Variants in DTNB observed in about 807,000 individuals in gnomAD.
The protein encoded by DTNB is DTN-B.
Under a neutral mutation model 90.7 loss-of-function variants are expected in DTNB, and 63 were observed. The observed-to-expected ratio is 0.69, with a 90% CI of 0.57 to 0.86. The LOEUF (loss-of-function observed/expected upper bound fraction) is 0.86. Ranked by LOEUF, DTNB falls within the 40% of genes least tolerant of loss-of-function variation. DTNB has a pLI of 0.00. For synonymous variants in DTNB, 277 were observed against 286.7 expected, an observed-to-expected ratio of 0.97 and a Z score of 0.34; for missense variants, 744 against 807.1, an observed-to-expected ratio of 0.92 and a Z score of 0.95.
At chr2:25,491,485 A>G (rs2150467717) in intron 9 of DTNB, among the ~76,000 whole-genome samples, 1 of 152,326 alleles carries the variant, frequency 6.6e-6, no homozygotes, top group Admixed American at 6.5e-5. Flanking sequence ...ATGAGTCAGC[A>G]CCATGTTGCG....
intron 8 of DTNB, among the ~76,000 whole-genome samples, chr2:25,538,454 C>A (rs2080352327): frequency 6.6e-6 from 1 of 151,970 alleles, no homozygotes; most frequent in South Asian, 2.1e-4. Context: ...TGTGTTTGTA[C>A]AGTTTTCTTT....
intron 6 of DTNB, among the ~76,000 whole-genome samples, chr2:25,589,909 G>A (rs887478306): frequency 2.0e-5 from 3 of 152,170 alleles, no homozygotes; most frequent in African/African-American, 7.2e-5. Flanking sequence ...TACCAAGGGC[G>A]AGCCATGTGC....
At chr2:25,539,251 G>C (rs987531486) in intron 8 of DTNB, among the ~76,000 whole-genome samples, 2 of 152,162 alleles carry the variant, frequency 1.3e-5, no homozygotes, top group African/African-American at 2.4e-5. Context: ...TAAGAATTTT[G>C]TAAGAGTGGA....
intron 8 of DTNB, among the ~76,000 whole-genome samples, chr2:25,569,512 G>A (rs1316779875): frequency 6.6e-6 from 1 of 152,116 alleles, no homozygotes; most frequent in Non-Finnish European, 1.5e-5. Context: ...AACATGCCTA[G>A]ATCAACCCCT....
chr2:25,587,252 T>C (rs1013844881), intron 6 of DTNB, among the ~76,000 whole-genome samples: 1 of 152,096 alleles, frequency 6.6e-6, no homozygotes, highest in Non-Finnish European at 1.5e-5. Context: ...TATTGCAAAA[T>C]GATGATTTAA....
chr2:25,604,628 C>T (rs982491833), intron 5 of DTNB, among the ~76,000 whole-genome samples: 1 of 152,084 alleles, frequency 6.6e-6, no homozygotes, highest in Admixed American at 6.6e-5. Context: ...AGTCTCACTC[C>T]GTCGGCCAGG....
At chr2:25,525,410 G>T (rs2076901024) in intron 9 of DTNB, among the ~76,000 whole-genome samples, 1 of 152,170 alleles carries the variant, frequency 6.6e-6, no homozygotes, top group African/African-American at 2.4e-5. Context: ...GCTGAGGCAG[G>T]TGGATCACCT....
intron 19 of DTNB, chr2:25,383,615 C>A (rs1049841425): frequency 3.4e-6 from 3 of 893,384 alleles, no homozygotes; most frequent in African/African-American, 1.7e-5. Context: ...AACTACCTAT[C>A]CCAGGATCAG....
intron 12 of DTNB, 41 bp from the exon 13 acceptor site, chr2:25,434,036 T>G: frequency 1.3e-6 from 2 of 1,541,222 alleles, no homozygotes; most frequent in Admixed American, 1.8e-5. Flanking sequence ...TTTTTTCTGA[T>G]CCAAATATAC....
intron 9 of DTNB, among the ~76,000 whole-genome samples, chr2:25,526,832 G>A (rs1263471954): frequency 6.6e-6 from 1 of 152,006 alleles, no homozygotes; most frequent in African/African-American, 2.4e-5. Flanking sequence ...TCCATAAAGG[G>A]GAATTTTAAA....
chr2:25,379,170 C>T, intron 20 of DTNB, 120 bp downstream of exon 20: 4 of 989,786 alleles, frequency 4.0e-6, no homozygotes, highest in Non-Finnish European at 5.3e-6. Context: ...TGGGCTCTTG[C>T]ATCTTCACCT....
intron 10 of DTNB, among the ~76,000 whole-genome samples, chr2:25,471,696 C>T (rs987720285): frequency 3.9e-5 from 6 of 152,200 alleles, no homozygotes; most frequent in Admixed American, 3.3e-4. Flanking sequence ...GCCACCGCAT[C>T]TGGCCTGCAT....
chr2:25,650,349 A>T, intron 2 of DTNB: 2 of 556,818 alleles, frequency 3.6e-6, no homozygotes, highest in African/African-American at 4.1e-5. Context: ...GGAGCATAGC[A>T]GATCCTCAAT....
chr2:25,661,484 A>G (rs2083166154), intron 1 of DTNB, among the ~76,000 whole-genome samples: 1 of 152,262 alleles, frequency 6.6e-6, no homozygotes, highest in East Asian at 1.9e-4. Flanking sequence ...GTAGAAAACC[A>G]TAAAGGAATC....
chr2:25,528,802 G>C (rs1190923550), intron 9 of DTNB, among the ~76,000 whole-genome samples: 1 of 152,146 alleles, frequency 6.6e-6, no homozygotes, highest in African/African-American at 2.4e-5. Context: ...TTTTGTAACA[G>C]CAATTACAAA....
chr2:25,459,170 GT>G lies in DTNB; in HGVS notation c.1080-3677del, dbSNP rs1295746230. Among the ~76,000 whole-genome samples, 4 of 151,986 alleles carry G rather than the reference GT, an allele frequency of 2.6e-5. 1 individual carries two copies. In the South Asian group the frequency reaches 8.3e-4, roughly 32 times the overall value. The stretch of plus-strand genomic sequence containing the variant: ...TTGTTGTGTTTATAAGTATTTGTAG[GT>G]TTATAGTTTTTAATGAATATGTAAA... On this transcript the variant is annotated intron_variant, in intron 10 of 20. Coordinates refer to ENST00000406818, the MANE Select transcript of DTNB (RefSeq NM_021907.5).
intron 10 of DTNB, among the ~76,000 whole-genome samples, chr2:25,459,564 G>A (rs1217987481): frequency 6.6e-6 from 1 of 152,144 alleles, no homozygotes; most frequent in Non-Finnish European, 1.5e-5. Context: ...CGTGACCTTG[G>A]CTCACTGCAA....
intron 8 of DTNB, among the ~76,000 whole-genome samples, chr2:25,570,677 T>C (rs1382443132): frequency 2.0e-5 from 3 of 152,136 alleles, no homozygotes; most frequent in Non-Finnish European, 4.4e-5. Context: ...TCTTCACTTG[T>C]TTTCCAGAAC....
intron 9 of DTNB, among the ~76,000 whole-genome samples, chr2:25,512,051 T>C (rs2074058947): frequency 6.6e-6 from 1 of 152,194 alleles, no homozygotes; most frequent in Non-Finnish European, 1.5e-5. Flanking sequence ...TCTCCAGTTT[T>C]ACCCTTAGGA....
Sources: gnomAD v4.1 joint callset for allele counts (sites outside exome capture counted in the v4.1 genomes callset) on GRCh38, gnomAD v4.1.1 for gene constraint, MANE v1.5 for transcripts, NCBI Gene and HGNC (gene_info 2026-07-23, HGNC 2026-07-21) for gene names.